Variants in BLTP3A observed in about 807,000 individuals in gnomAD.
BLTP3A encodes the protein ICBP90 binding protein 1.
At chr6:34,803,603 A>T in the BLTP3A span, among the ~76,000 whole-genome samples, 1 of 152,208 alleles carries the variant, frequency 6.6e-6, no homozygotes, top group Admixed American at 6.5e-5. Flanking sequence ...TCTAATTCAG[A>T]ATATGTCCTA....
chr6:34,845,913 T>G, the BLTP3A span, among the ~76,000 whole-genome samples: 8 of 152,050 alleles, frequency 5.3e-5, no homozygotes, highest in African/African-American at 1.7e-4. Context: ...TTAAATTTTT[T>G]ATAGAAATGA....
At chr6:34,809,488 G>A in the BLTP3A span, among the ~76,000 whole-genome samples, 2 of 152,108 alleles carry the variant, frequency 1.3e-5, no homozygotes, top group African/African-American at 4.8e-5. Flanking sequence ...GGAATTTAGG[G>A]GTACCAGTCC....
the BLTP3A span, among the ~76,000 whole-genome samples, chr6:34,847,912 CT>C: frequency 9.8e-6 from 1 of 102,238 alleles, no homozygotes; most frequent in Non-Finnish European, 1.9e-5. Flanking sequence ...TTCTACTTTT[CT>C]TTTTTTCCTT....
the BLTP3A span, among the ~76,000 whole-genome samples, chr6:34,826,923 A>T: frequency 6.6e-6 from 1 of 152,224 alleles, no homozygotes. Context: ...GAGAAACGCT[A>T]TTTAGAGACT....
chr6:34,838,162 C>G, the BLTP3A span, among the ~76,000 whole-genome samples: 1 of 152,188 alleles, frequency 6.6e-6, no homozygotes, highest in East Asian at 1.9e-4. Context: ...CAAGGAGATT[C>G]TGTACATCAG....
At chr6:34,860,452 A>G in the BLTP3A span, among the ~76,000 whole-genome samples, 1 of 152,168 alleles carries the variant, frequency 6.6e-6, no homozygotes, top group Non-Finnish European at 1.5e-5. Flanking sequence ...TGTCTAAGTG[A>G]ATTATCTTAA....
chr6:34,800,944 G>A, the BLTP3A span, among the ~76,000 whole-genome samples: 1 of 152,080 alleles, frequency 6.6e-6, no homozygotes, highest in Middle Eastern at 3.2e-3. Context: ...GGCCAGGCTG[G>A]TCTCAAACTC....
the BLTP3A span, among the ~76,000 whole-genome samples, chr6:34,842,970 T>C: frequency 6.6e-6 from 1 of 152,140 alleles, no homozygotes; most frequent in Admixed American, 6.6e-5. Context: ...ATAAAAATAG[T>C]TTATTTTAAA....
the BLTP3A span, chr6:34,876,434 G>A: frequency 6.6e-6 from 1 of 152,202 alleles, no homozygotes; most frequent in Admixed American, 6.5e-5. Flanking sequence ...TGGGGGATGG[G>A]TGGTAGTGCA....
At chr6:34,801,420 A>G in the BLTP3A span, among the ~76,000 whole-genome samples, 5 of 152,060 alleles carry the variant, frequency 3.3e-5, no homozygotes, top group East Asian at 3.9e-4. Flanking sequence ...AGGGGGGAAA[A>G]GTATTTTTTT....
the BLTP3A span, among the ~76,000 whole-genome samples, chr6:34,850,449 C>G: frequency 7.8e-3 from 1,187 of 152,268 alleles, 16 homozygotes; most frequent in African/African-American, 0.025. Flanking sequence ...ACTTTCTACC[C>G]CAATGTCTCC....
the BLTP3A span, chr6:34,859,270 G>T: frequency 6.2e-7 from 1 of 1,614,128 alleles, no homozygotes; most frequent in South Asian, 1.1e-5. Flanking sequence ...CCATGAGGCA[G>T]TAGAGTCCCT....
the BLTP3A span, among the ~76,000 whole-genome samples, chr6:34,808,200 G>T: frequency 6.6e-6 from 1 of 151,794 alleles, no homozygotes; most frequent in African/African-American, 2.4e-5. Context: ...CAAATTAGCT[G>T]GGCGTGGTGG....
the BLTP3A span, chr6:34,823,195 G>C: frequency 7.4e-7 from 1 of 1,356,770 alleles, no homozygotes; most frequent in Non-Finnish European, 1.1e-6. Context: ...CACAGTCTGT[G>C]CTGTCATTGT....
chr6:34,855,674 C>T, the BLTP3A span: 14 of 1,613,612 alleles, frequency 8.7e-6, no homozygotes, highest in South Asian at 4.4e-5. Context: ...CGCAAGATGG[C>T]GTTTGACTAT....
At chr6:34,860,269 A>G in the BLTP3A span, among the ~76,000 whole-genome samples, 2 of 152,324 alleles carry the variant, frequency 1.3e-5, no homozygotes, top group African/African-American at 4.8e-5. Flanking sequence ...CGCCAGAGAT[A>G]GAGTAGGGAG....
At chr6:34,823,244 A>G in the BLTP3A span, 2 of 1,609,042 alleles carry the variant, frequency 1.2e-6, no homozygotes, top group Admixed American at 1.7e-5. Context: ...GTTCTCCTTG[A>G]CTTCTATTTC....
the BLTP3A span, chr6:34,835,601 C>G: frequency 1.1e-6 from 1 of 948,066 alleles, no homozygotes; most frequent in Non-Finnish European, 1.5e-6. Context: ...GCTTTGCCTG[C>G]ACCTCTGATT....
chr6:34,822,486 G>T, the BLTP3A span, among the ~76,000 whole-genome samples: 1 of 152,044 alleles, frequency 6.6e-6, no homozygotes, highest in South Asian at 2.1e-4. Flanking sequence ...TGATCCACCC[G>T]TCTCAGCCTT....
Sources: gnomAD v4.1 joint callset for allele counts (sites outside exome capture counted in the v4.1 genomes callset) on GRCh38, gnomAD v4.1.1 for gene constraint, MANE v1.5 for transcripts, NCBI Gene and HGNC (gene_info 2026-07-23, HGNC 2026-07-21) for gene names.